The following NRG3 variants were observed in gnomAD, a reference collection of about 807,000 sequenced individuals.
NRG3 encodes the protein neuregulin 3.
NRG3 carries 31 observed loss-of-function variants against 66.9 expected under a neutral mutation model. That is an observed-to-expected ratio of 0.46 (90% CI 0.35 to 0.63). The LOEUF is 0.63. NRG3 is among the 20% of genes least tolerant of loss of function. The pLI, the probability that NRG3 is intolerant of heterozygous loss-of-function variation, is 0.00. For synonymous variants in NRG3, 393 were observed against 359.4 expected, an observed-to-expected ratio of 1.09 and a Z score of -1.06; for missense variants, 910 against 878.9, an observed-to-expected ratio of 1.04 and a Z score of -0.45.
chr10:82,576,458 A>G (rs2046041281), intron 2 of NRG3, among the ~76,000 whole-genome samples: 2 of 151,730 alleles, frequency 1.3e-5, no homozygotes, highest in Admixed American at 1.3e-4. Flanking sequence ...AAAGGCAAGC[A>G]GAACCATTTA....
chr10:81,892,899 T>C (rs996390426), intron 1 of NRG3, among the ~76,000 whole-genome samples: 1 of 152,208 alleles, frequency 6.6e-6, no homozygotes, highest in African/African-American at 2.4e-5. Flanking sequence ...TATGACTCAT[T>C]CCATGACTGT....
At chr10:81,951,483 C>T (rs1276310574) in intron 1 of NRG3, among the ~76,000 whole-genome samples, 9 of 152,162 alleles carry the variant, frequency 5.9e-5, no homozygotes, top group Admixed American at 5.9e-4. Flanking sequence ...CTTATACACA[C>T]ACACAGAATT....
chr10:82,763,321 A>G (rs1273166404), intron 3 of NRG3, among the ~76,000 whole-genome samples: 1 of 152,196 alleles, frequency 6.6e-6, no homozygotes, highest in Non-Finnish European at 1.5e-5. Context: ...GAAATGCAGA[A>G]AGTATTAAAG....
intron 2 of NRG3, among the ~76,000 whole-genome samples, chr10:82,366,963 T>C (rs1364093610): frequency 6.6e-6 from 1 of 152,208 alleles, no homozygotes; most frequent in East Asian, 1.9e-4. Flanking sequence ...AAACGCAGGA[T>C]ATGTTAGCAG....
chr10:81,948,481 T>C (rs1223977173), intron 1 of NRG3, among the ~76,000 whole-genome samples: 1 of 152,218 alleles, frequency 6.6e-6, no homozygotes, highest in Non-Finnish European at 1.5e-5. Context: ...CCCAGCTGAT[T>C]TGGAGATCAT....
chr10:82,578,608 G>A (rs2046174941), intron 2 of NRG3, among the ~76,000 whole-genome samples: 1 of 151,610 alleles, frequency 6.6e-6, no homozygotes, highest in African/African-American at 2.4e-5. Context: ...AACAGCTCAA[G>A]GTGAGGCAGA....
chr10:82,384,102 A>G (rs1229397827), intron 2 of NRG3, among the ~76,000 whole-genome samples: 1 of 152,100 alleles, frequency 6.6e-6, no homozygotes, highest in East Asian at 1.9e-4. Context: ...TTATTAATTC[A>G]CTTAATACCT....
chr10:81,982,111 G>C (rs552175732), intron 1 of NRG3, among the ~76,000 whole-genome samples: 42 of 152,118 alleles, frequency 2.8e-4, no homozygotes, highest in African/African-American at 9.2e-4. Context: ...TCCTCTTGCA[G>C]TTTACTATAA....
intron 1 of NRG3, among the ~76,000 whole-genome samples, chr10:82,312,118 A>G (rs1338416789): frequency 1.3e-5 from 2 of 152,088 alleles, no homozygotes; most frequent in East Asian, 1.9e-4. Context: ...TTTTAGAGTG[A>G]TTTTCTTCTA....
At chr10:82,647,929 G>A (rs1312537039) in intron 2 of NRG3, among the ~76,000 whole-genome samples, 22 of 146,920 alleles carry the variant, frequency 1.5e-4, no homozygotes, top group East Asian at 1.2e-3. Context: ...AGTAGGTTGC[G>A]AAAATTTTCT....
chr10:82,604,573 C>T (rs2047842666), intron 2 of NRG3, among the ~76,000 whole-genome samples: 1 of 152,116 alleles, frequency 6.6e-6, no homozygotes, highest in African/African-American at 2.4e-5. Context: ...TTGGATCACA[C>T]TGACACTATT....
chr10:82,944,522 G>T (rs1253688989), intron 4 of NRG3, among the ~76,000 whole-genome samples: 1 of 152,144 alleles, frequency 6.6e-6, no homozygotes, highest in Non-Finnish European at 1.5e-5. Flanking sequence ...TTGCAAATGT[G>T]GGGGTGGAAA....
intron 1 of NRG3, among the ~76,000 whole-genome samples, chr10:82,289,384 C>A (rs911639913): frequency 1.3e-5 from 2 of 151,588 alleles, no homozygotes; most frequent in South Asian, 2.1e-4. Flanking sequence ...ATCTTGTGAT[C>A]CATTTAGGAA....
chr10:82,757,736 A>G (rs775533066), intron 3 of NRG3, among the ~76,000 whole-genome samples: 63 of 152,198 alleles, frequency 4.1e-4, no homozygotes, highest in Non-Finnish European at 8.2e-4. Flanking sequence ...CTTCTGGTTG[A>G]ATAATTGAGA....
At chr10:82,732,978 A>G (rs1205746041) in intron 2 of NRG3, among the ~76,000 whole-genome samples, 1 of 152,164 alleles carries the variant, frequency 6.6e-6, no homozygotes, top group South Asian at 2.1e-4. Flanking sequence ...ATTACTGACC[A>G]TGTTTCTATT....
intron 2 of NRG3, among the ~76,000 whole-genome samples, chr10:82,659,308 T>G (rs1368211179): frequency 6.6e-6 from 1 of 152,244 alleles, no homozygotes; most frequent in Non-Finnish European, 1.5e-5. Context: ...TAGTCCCGGA[T>G]GCAATTATAG....
chr10:82,981,609 G>C (rs1852909753), intron 8 of NRG3, among the ~76,000 whole-genome samples: 1 of 152,204 alleles, frequency 6.6e-6, no homozygotes, highest in African/African-American at 2.4e-5. Context: ...GTCTATGACA[G>C]TTAGGCTTCC....
chr10:82,431,155 T>C (rs1220274778), intron 2 of NRG3, among the ~76,000 whole-genome samples: 2 of 152,140 alleles, frequency 1.3e-5, no homozygotes, highest in African/African-American at 4.8e-5. Context: ...ATAAATGCCC[T>C]ATGAATAGGG....
intron 2 of NRG3, among the ~76,000 whole-genome samples, chr10:82,532,700 CT>C (rs1245124970): frequency 1.3e-5 from 2 of 150,810 alleles, no homozygotes; most frequent in East Asian, 1.9e-4. Flanking sequence ...TTATTTCCCC[CT>C]CTTGACTATT....
Sources: allele counts gnomAD v4.1 joint callset (sites outside exome capture counted in the v4.1 genomes callset), GRCh38; gene constraint gnomAD v4.1.1; transcripts MANE v1.5; gene names NCBI Gene and HGNC (gene_info 2026-07-23, HGNC 2026-07-21).